The following ALCAM variants were observed in gnomAD, a reference collection of about 807,000 sequenced individuals.
ALCAM encodes the protein CD166 antigen.
A neutral mutation model predicts 70.9 loss-of-function variants in ALCAM; 30 were observed. That is an observed-to-expected ratio of 0.42 (90% CI 0.32 to 0.57). The LOEUF (loss-of-function observed/expected upper bound fraction) is 0.57. ALCAM is among the 20% of genes least tolerant of loss of function. The pLI is 0.11. For missense variants in ALCAM, 591 were observed against 695.1 expected (o/e 0.85, Z 1.68); for synonymous variants, 249 against 242.5 (o/e 1.03, Z -0.25).
chr3:105,464,095 C>T (rs780286393), intron 1 of ALCAM, among the ~76,000 whole-genome samples: 6 of 151,292 alleles, frequency 4.0e-5, no homozygotes, highest in Non-Finnish European at 5.9e-5. Flanking sequence ...GTGCATGGGA[C>T]AGGGGACAAT....
chr3:105,516,865 A>G (rs1939394620), intron 1 of ALCAM, among the ~76,000 whole-genome samples: 1 of 152,116 alleles, frequency 6.6e-6, no homozygotes, highest in Non-Finnish European at 1.5e-5. Flanking sequence ...CTCTATGTCC[A>G]GTAGTGCCCG....
chr3:105,376,355 C>T (rs563088358), intron 1 of ALCAM, among the ~76,000 whole-genome samples: 4 of 152,206 alleles, frequency 2.6e-5, no homozygotes, highest in African/African-American at 9.6e-5. Context: ...GTTTCATTTG[C>T]GCCTAAACTC....
At chr3:105,369,333 T>C (rs959291733) in intron 1 of ALCAM, among the ~76,000 whole-genome samples, 10 of 152,152 alleles carry the variant, frequency 6.6e-5, no homozygotes, top group Non-Finnish European at 1.2e-4. Flanking sequence ...GGTGGTTCTT[T>C]TGGCGCCACA....
chr3:105,536,287 T>C (rs1939968295), intron 6 of ALCAM, among the ~76,000 whole-genome samples: 1 of 152,010 alleles, frequency 6.6e-6, no homozygotes, highest in South Asian at 2.1e-4. Context: ...AGAGGTGGGG[T>C]TCCACCATGT....
intron 1 of ALCAM, among the ~76,000 whole-genome samples, chr3:105,446,520 C>T (rs1248509017): frequency 6.6e-6 from 1 of 151,950 alleles, no homozygotes; most frequent in African/African-American, 2.4e-5. Context: ...GCTGCACTCT[C>T]ATGTTTATTG....
chr3:105,463,057 G>A (rs975067186), intron 1 of ALCAM, among the ~76,000 whole-genome samples: 2 of 151,410 alleles, frequency 1.3e-5, no homozygotes, highest in Non-Finnish European at 3.0e-5. Flanking sequence ...CATAGCTGAC[G>A]TACTACATAA....
At chr3:105,399,535 G>A (rs1936035782) in intron 1 of ALCAM, among the ~76,000 whole-genome samples, 1 of 151,894 alleles carries the variant, frequency 6.6e-6, no homozygotes, top group South Asian at 2.1e-4. Flanking sequence ...ACACATATTA[G>A]GCCTAGATTT....
At chr3:105,548,634 G>T (rs1174059410) in intron 11 of ALCAM, among the ~76,000 whole-genome samples, 4 of 151,298 alleles carry the variant, frequency 2.6e-5, no homozygotes, top group Non-Finnish European at 5.9e-5. Context: ...GATATGGAAA[G>T]CCCTCAAAAG....
At chr3:105,375,570 A>G (rs1935353397) in intron 1 of ALCAM, among the ~76,000 whole-genome samples, 1 of 152,186 alleles carries the variant, frequency 6.6e-6, no homozygotes, top group Non-Finnish European at 1.5e-5. Flanking sequence ...TGGAATGGAA[A>G]CTAAATTGAC....
chr3:105,472,908 G>A (rs1937975945), intron 1 of ALCAM, among the ~76,000 whole-genome samples: 2 of 151,396 alleles, frequency 1.3e-5, no homozygotes, highest in Non-Finnish European at 3.0e-5. Context: ...ACGGAATAAT[G>A]TATAAAAATG....
At chr3:105,555,456 T>C (rs971725524) in intron 14 of ALCAM, among the ~76,000 whole-genome samples, 2 of 152,072 alleles carry the variant, frequency 1.3e-5, no homozygotes, top group Admixed American at 6.6e-5. Flanking sequence ...GAATTAGTCT[T>C]CTTAACCCTT....
At chr3:105,432,477 T>C (rs1936957658) in intron 1 of ALCAM, among the ~76,000 whole-genome samples, 1 of 151,996 alleles carries the variant, frequency 6.6e-6, no homozygotes, top group Non-Finnish European at 1.5e-5. Context: ...AGATGTGAGC[T>C]TCAGATCCTC....
chr3:105,445,111 A>T (rs950612796), intron 1 of ALCAM, among the ~76,000 whole-genome samples: 1 of 152,234 alleles, frequency 6.6e-6, no homozygotes, highest in Non-Finnish European at 1.5e-5. Context: ...AATATTGAAG[A>T]AATAAAATTA....
intron 2 of ALCAM, among the ~76,000 whole-genome samples, chr3:105,523,139 C>CAAAAAA (rs59478384): frequency 2.3e-4 from 20 of 87,014 alleles, no homozygotes; most frequent in African/African-American, 3.9e-4. Flanking sequence ...GACTCCGTCT[C>CAAAAAA]AAAAAAAAAA....
Position 105,550,749 on chromosome 3 carries a change from T to C in ALCAM, c.1507+490T>C, listed in dbSNP as rs536026935. Among the ~76,000 whole-genome samples the C allele has an allele frequency of 2.0e-5, 3 of 151,740 alleles. No individual in the cohort carries two copies. The South Asian group carries it at 6.2e-4, about 31-fold the overall frequency. ...ATTTAGTAAACTAGCAAGAGTGATT[T>C]TAGAATTCATGAATCTAGTTTACAA... On this transcript the variant is annotated intron_variant, in intron 12 of 15. Coordinates refer to ENST00000306107, the MANE Select transcript of ALCAM (RefSeq NM_001627.4).
intron 1 of ALCAM, among the ~76,000 whole-genome samples, chr3:105,456,159 T>C (rs1039456912): frequency 2.0e-5 from 3 of 152,180 alleles, no homozygotes; most frequent in Admixed American, 1.3e-4. Context: ...ACTGCTACTC[T>C]CAGCACACTG....
At chr3:105,396,064 G>A (rs1935943482) in intron 1 of ALCAM, among the ~76,000 whole-genome samples, 1 of 152,030 alleles carries the variant, frequency 6.6e-6, no homozygotes, top group Admixed American at 6.6e-5. Context: ...GCCTTGGGAT[G>A]TGCTAATAAA....
intron 1 of ALCAM, among the ~76,000 whole-genome samples, chr3:105,378,646 G>A (rs1404140383): frequency 8.8e-6 from 1 of 113,448 alleles, no homozygotes; most frequent in South Asian, 2.8e-4. Flanking sequence ...TTTTTTTTTT[G>A]AGAAATGCTT....
chr3:105,428,022 A>G (rs1441514676), intron 1 of ALCAM, among the ~76,000 whole-genome samples: 2 of 151,974 alleles, frequency 1.3e-5, no homozygotes, highest in African/African-American at 2.4e-5. Context: ...AAGAAAAAAA[A>G]TGTTTAATTT....
Sources: allele counts gnomAD v4.1 joint callset (sites outside exome capture counted in the v4.1 genomes callset), GRCh38; gene constraint gnomAD v4.1.1; transcripts MANE v1.5; gene names NCBI Gene and HGNC (gene_info 2026-07-23, HGNC 2026-07-21).